CPXM2: variants seen among roughly 807,000 people sequenced by gnomAD.
CPXM2 encodes the protein carboxypeptidase X, M14 family member 2.
CPXM2 carries 66 observed loss-of-function variants against 86.1 expected under a neutral mutation model. That is an observed-to-expected ratio of 0.77 (90% CI 0.63 to 0.94). CPXM2 has a LOEUF of 0.94. Among genes scored for constraint, CPXM2 ranks in the 40% least tolerant of loss-of-function variants. The pLI, the probability that CPXM2 is intolerant of heterozygous loss-of-function variation, is 0.00. For missense variants in CPXM2, 948 were observed against 1,026.3 expected (o/e 0.92, Z 1.04); for synonymous variants, 388 against 400.2 (o/e 0.97, Z 0.36).
intron 7 of CPXM2, among the ~76,000 whole-genome samples, chr10:123,772,876 CCTCCT>C (rs1846681297): frequency 6.9e-6 from 1 of 144,654 alleles, no homozygotes. Flanking sequence ...TGTGGTCATC[CCTCCT>C]TCATTGTGGT....
chr10:123,794,568 C>T (rs1291875498), intron 6 of CPXM2, among the ~76,000 whole-genome samples: 1 of 151,928 alleles, frequency 6.6e-6, no homozygotes, highest in African/African-American at 2.4e-5. Flanking sequence ...TCTTAACTCG[C>T]TTTTTTTTAT....
chr10:123,891,031 A>C lies in CPXM2; in HGVS notation c.304+325T>G, dbSNP rs1945258798. 6.6e-6 allele frequency among the ~76,000 whole-genome samples: 1 copy of C among 152,258 alleles called. No homozygotes were observed. The highest frequency in any genetic ancestry group is 1.5e-5 in the Non-Finnish European group (1 of 68,048). On this transcript the variant is annotated intron_variant, in intron 1 of 13. Coordinates refer to ENST00000241305, the MANE Select transcript of CPXM2 (RefSeq NM_198148.3). The surrounding 1 kb of genome is among the most constrained non-coding windows in gnomAD (Gnocchi z 5.6). ...GTAGGCAGAGAAGTAAGAGGCATCC[A>C]GCAGAAAGACCCTTAGCTCAGGGGA...
At chr10:123,901,429 T>TTGTGTGTGTGTGTGTGTGTGTGTG (rs3069582) in intron 2 of CPXM2, among the ~76,000 whole-genome samples, 7 of 138,956 alleles carry the variant, frequency 5.0e-5, no homozygotes, top group Non-Finnish European at 7.7e-5. Flanking sequence ...CCAAGCAAGT[T>TTGTGTGTGTGTGTGTGTGTGTGTG]TGTGTGTGTG....
At chr10:123,771,082 A>G (rs773760639) in intron 7 of CPXM2, 43 bp from the exon 8 acceptor site, 6 of 1,594,346 alleles carry the variant, frequency 3.8e-6, no homozygotes, top group Admixed American at 1.7e-5. Context: ...ATTGATGACG[A>G]TGCACTAAAA....
intron 2 of CPXM2, among the ~76,000 whole-genome samples, chr10:123,905,277 C>G (rs935283276): frequency 2.0e-5 from 3 of 152,220 alleles, no homozygotes; most frequent in Admixed American, 1.3e-4. Context: ...GAATGAAAGG[C>G]CTTCCGCGAG....
chr10:123,834,928 GA>G (rs1848248674), intron 4 of CPXM2, among the ~76,000 whole-genome samples: 1 of 152,130 alleles, frequency 6.6e-6, no homozygotes, highest in Non-Finnish European at 1.5e-5. Flanking sequence ...CTCCCCATGT[GA>G]TCTCTGCACA....
rs562666760 is a variant in CPXM2, at chr10:123,908,010, T to C, written n.175-27701A>G. Among the ~76,000 whole-genome samples, 335 of 152,130 alleles carry C rather than the reference T, an allele frequency of 2.2e-3. 1 individual carries two copies. Among genetic ancestry groups the C allele is most frequent in the Non-Finnish European group, 4.2e-3 (284 of 67,986 alleles). On this transcript the variant is annotated intron_variant and non_coding_transcript_variant, in intron 2 of 19. Transcript: ENST00000368854. ...AGAAAGGAAGGGAGGAAGCAAGGAC[T>C]CAATAGGAGACTTTAAACAGGGGAG...
intron 6 of CPXM2, among the ~76,000 whole-genome samples, chr10:123,781,300 C>T (rs572389490): frequency 6.6e-6 from 1 of 152,314 alleles, no homozygotes; most frequent in African/African-American, 2.4e-5. Flanking sequence ...AATTGACTCC[C>T]TCTCTGCATT....
At chr10:123,864,931 C>G (rs1391661025) in intron 2 of CPXM2, among the ~76,000 whole-genome samples, 1 of 152,152 alleles carries the variant, frequency 6.6e-6, no homozygotes, top group East Asian at 1.9e-4. Flanking sequence ...AAAGTGCCCC[C>G]AAGTGAGGTG....
At chr10:123,931,704 C>T (rs1945667633) in intron 2 of CPXM2, 1 of 152,186 alleles carries the variant, frequency 6.6e-6, no homozygotes. Flanking sequence ...TCCCACTACA[C>T]TCATTTTAAA....
At chr10:123,807,804 T>C (rs995696787) in intron 4 of CPXM2, among the ~76,000 whole-genome samples, 1 of 152,364 alleles carries the variant, frequency 6.6e-6, no homozygotes, top group Admixed American at 6.5e-5. Context: ...TGTCACTGTT[T>C]CCTGGTCTTC....
intron 2 of CPXM2, 142 bp from the exon 3 acceptor site, chr10:123,862,865 G>A (rs1252622168): frequency 8.6e-6 from 6 of 696,152 alleles, no homozygotes; most frequent in Non-Finnish European, 1.3e-5. Flanking sequence ...AGACACGGTT[G>A]ATTGAACTGT....
chr10:123,894,611 A>C (rs1427274381), upstream of CPXM2, among the ~76,000 whole-genome samples: 2 of 152,138 alleles, frequency 1.3e-5, no homozygotes, highest in Non-Finnish European at 2.9e-5. Context: ...AGCTGACCTC[A>C]TTCTCTTGGT....
chr10:123,771,940 C>G (rs1054517200), intron 7 of CPXM2, among the ~76,000 whole-genome samples: 1 of 150,436 alleles, frequency 6.6e-6, no homozygotes, highest in African/African-American at 2.4e-5. Flanking sequence ...AATTCTGAGT[C>G]AATTAAAACT....
chr10:123,782,013 C>T (rs1846946398), intron 6 of CPXM2, among the ~76,000 whole-genome samples: 1 of 152,234 alleles, frequency 6.6e-6, no homozygotes, highest in South Asian at 2.1e-4. Context: ...TCACAAACGG[C>T]TTTCCAGTCA....
intron 2 of CPXM2, among the ~76,000 whole-genome samples, chr10:123,926,857 T>C (rs1042907000): frequency 1.3e-5 from 2 of 152,204 alleles, no homozygotes; most frequent in Non-Finnish European, 2.9e-5. Context: ...CTCCAGATTT[T>C]ATGTTATGTG....
chr10:123,788,016 A>G (rs1284779136), intron 6 of CPXM2, among the ~76,000 whole-genome samples: 1 of 151,996 alleles, frequency 6.6e-6, no homozygotes, highest in Non-Finnish European at 1.5e-5. Flanking sequence ...GCGGTGGCTC[A>G]TGCCTGTAAT....
intron 2 of CPXM2, among the ~76,000 whole-genome samples, chr10:123,867,982 C>T (rs1944823608): frequency 6.6e-6 from 1 of 152,182 alleles, no homozygotes; most frequent in Non-Finnish European, 1.5e-5. Flanking sequence ...AGCATGCGAG[C>T]CACGTAAGAG....
intron 4 of CPXM2, among the ~76,000 whole-genome samples, chr10:123,826,994 C>G (rs999277104): frequency 6.6e-6 from 1 of 152,072 alleles, no homozygotes; most frequent in South Asian, 2.1e-4. Flanking sequence ...ATGAAGGAAA[C>G]TAAATATCAT....
Sources: gnomAD v4.1 joint callset for allele counts (sites outside exome capture counted in the v4.1 genomes callset) on GRCh38, gnomAD v4.1.1 for gene constraint, Gnocchi (gnomAD v3.1) non-coding constraint, MANE v1.5 for transcripts, NCBI Gene and HGNC (gene_info 2026-07-23, HGNC 2026-07-21) for gene names.